The following CABCOCO1 variants were observed in gnomAD, a reference collection of about 807,000 sequenced individuals.
CABCOCO1 encodes the protein ciliary associated calcium binding coiled-coil 1, also known as ciliary-associated calcium-binding coiled-coil protein 1.
A neutral mutation model predicts 35.7 loss-of-function variants in CABCOCO1; 28 were observed. The ratio of observed to expected loss-of-function variants is 0.78; its 90% confidence interval spans 0.58 to 1.07. The LOEUF is 1.07. Among genes scored for constraint, CABCOCO1 ranks in the 50% least tolerant of loss-of-function variants. CABCOCO1 has a pLI of 0.00. For missense variants in CABCOCO1, 326 were observed against 309.2 expected (o/e 1.05, Z -0.41); for synonymous variants, 95 against 100.1 (o/e 0.95, Z 0.30).
chr10:61,665,699 A>G (rs1839148321), intron 1 of CABCOCO1, among the ~76,000 whole-genome samples: 1 of 152,020 alleles, frequency 6.6e-6, no homozygotes, highest in East Asian at 1.9e-4. Flanking sequence ...CATCCTGGCT[A>G]ACACGGTGAA....
At chr10:61,670,736 A>C (rs1053984014) in intron 1 of CABCOCO1, among the ~76,000 whole-genome samples, 16 of 152,088 alleles carry the variant, frequency 1.1e-4, no homozygotes, top group African/African-American at 2.4e-5. Context: ...ATAATTTTTT[A>C]TTTTTGTGTA....
At chr10:61,765,916 G>GT (rs1564560620) in intron 7 of CABCOCO1, 23 bp from the exon 8 acceptor site, 2 of 1,602,414 alleles carry the variant, frequency 1.2e-6, no homozygotes, top group South Asian at 1.1e-5. Context: ...TCATAACCAC[G>GT]TTTTTTATGA....
intron 7 of CABCOCO1, among the ~76,000 whole-genome samples, chr10:61,764,628 C>A (rs1456750882): frequency 1.3e-5 from 2 of 152,032 alleles, no homozygotes; most frequent in Non-Finnish European, 1.5e-5. Context: ...ATGATGATTT[C>A]TTTAGAGTCA....
Position 61,760,154 on chromosome 10 carries a change from C to T in CABCOCO1, c.648C>T (p.Pro216=), listed in dbSNP as rs138612718. The change falls in exon 6 of 8, where the codon CCC becomes CCT. Residue 216 remains proline, a synonymous_variant. Transcript: ENST00000648843. ...SFDIYSTFIE[P]PTILDTEMKR... ...ATATTTATTCAACATTCATAGAGCC[C>T]CCCACAATATTGGATACGGAAATGA... 1 of 1,611,888 alleles carries T rather than the reference C, an allele frequency of 6.2e-7. No individual in the cohort carries two copies. Among genetic ancestry groups the T allele is most frequent in the Non-Finnish European group, 8.5e-7 (1 of 1,178,396 alleles).
At chr10:61,722,372 A>T (rs1841043269) in intron 5 of CABCOCO1, among the ~76,000 whole-genome samples, 1 of 152,172 alleles carries the variant, frequency 6.6e-6, no homozygotes, top group African/African-American at 2.4e-5. Flanking sequence ...AAATTTTTTA[A>T]TTTACTGGAA....
intron 5 of CABCOCO1, among the ~76,000 whole-genome samples, chr10:61,734,394 C>T (rs769458281): frequency 6.6e-6 from 1 of 152,018 alleles, no homozygotes; most frequent in African/African-American, 2.4e-5. Flanking sequence ...TAATTTGCGA[C>T]TGCCAGGGAT....
intron 6 of CABCOCO1, 84 bp from the exon 7 acceptor site, chr10:61,760,779 T>C: frequency 2.1e-6 from 3 of 1,398,508 alleles, no homozygotes; most frequent in South Asian, 2.9e-5. Context: ...ATAAAATATA[T>C]TTAAAACAAG....
intron 4 of CABCOCO1, among the ~76,000 whole-genome samples, chr10:61,689,156 G>A (rs1288602138): frequency 6.6e-6 from 1 of 152,184 alleles, no homozygotes; most frequent in Non-Finnish European, 1.5e-5. Flanking sequence ...GGTTCACTGA[G>A]AGGAAGCCAA....
At chr10:61,680,981 CTGTTTCTT>C (rs1331380913) in intron 2 of CABCOCO1, among the ~76,000 whole-genome samples, 154 bp from the exon 3 acceptor site, 2 of 151,510 alleles carry the variant, frequency 1.3e-5, no homozygotes, top group East Asian at 3.9e-4. Context: ...CTCTCTCTCT[CTGTTTCTT>C]TTTTGAATGT....
chr10:61,666,063 A>G (rs993492909), intron 1 of CABCOCO1, among the ~76,000 whole-genome samples: 66 of 152,200 alleles, frequency 4.3e-4, no homozygotes, highest in Admixed American at 1.4e-3. Flanking sequence ...CAATTACTCA[A>G]TGCATTCACG....
At chr10:61,751,857 C>T (rs2132081331) in intron 5 of CABCOCO1, among the ~76,000 whole-genome samples, 1 of 152,240 alleles carries the variant, frequency 6.6e-6, no homozygotes, top group Middle Eastern at 3.4e-3. Context: ...TCTGACTACA[C>T]ATTTAAGGGG....
chr10:61,668,859 C>T (rs1564528005), intron 1 of CABCOCO1, among the ~76,000 whole-genome samples: 3 of 151,670 alleles, frequency 2.0e-5, no homozygotes, highest in Non-Finnish European at 4.4e-5. Flanking sequence ...TAATGCAATA[C>T]TTTAAAAAAA....
intron 5 of CABCOCO1, among the ~76,000 whole-genome samples, chr10:61,695,895 A>T (rs961045892): frequency 6.6e-6 from 1 of 152,064 alleles, no homozygotes; most frequent in African/African-American, 2.4e-5. Flanking sequence ...AAAAATAAGT[A>T]CATTTATTAC....
chr10:61,753,108 T>C (rs1361601593), intron 5 of CABCOCO1, among the ~76,000 whole-genome samples: 2 of 152,158 alleles, frequency 1.3e-5, no homozygotes, highest in Non-Finnish European at 2.9e-5. Context: ...GAGTATTCTC[T>C]AATATGAGAG....
intron 4 of CABCOCO1, among the ~76,000 whole-genome samples, chr10:61,688,917 A>G (rs2131991535): frequency 6.6e-6 from 1 of 152,336 alleles, no homozygotes; most frequent in Middle Eastern, 3.4e-3. Flanking sequence ...AAAGCTGGAC[A>G]AGGCCCTAGT....
intron 5 of CABCOCO1, among the ~76,000 whole-genome samples, chr10:61,754,528 A>G (rs1841857402): frequency 6.6e-6 from 1 of 152,126 alleles, no homozygotes; most frequent in Non-Finnish European, 1.5e-5. Flanking sequence ...GTACACTTAA[A>G]AAGTCAAAAG....
chr10:61,672,101 G>T (rs983353609), intron 1 of CABCOCO1, among the ~76,000 whole-genome samples: 1 of 152,138 alleles, frequency 6.6e-6, no homozygotes, highest in African/African-American at 2.4e-5. Flanking sequence ...TGGTGTTGCT[G>T]GTTCATTCAC....
At chr10:61,717,454 G>T (rs527827894) in intron 5 of CABCOCO1, among the ~76,000 whole-genome samples, 2 of 149,046 alleles carry the variant, frequency 1.3e-5, no homozygotes, top group African/African-American at 4.9e-5. Flanking sequence ...GAAAAGAAAA[G>T]CCTAATAATG....
At chr10:61,718,680 G>C (rs1011336383) in intron 5 of CABCOCO1, among the ~76,000 whole-genome samples, 4 of 152,108 alleles carry the variant, frequency 2.6e-5, no homozygotes, top group Non-Finnish European at 5.9e-5. Context: ...CTACAAAGTA[G>C]ACAGTTCACT....
Sources: gnomAD v4.1 joint callset for allele counts (sites outside exome capture counted in the v4.1 genomes callset) on GRCh38, gnomAD v4.1.1 for gene constraint, MANE v1.5 for transcripts, NCBI Gene and HGNC (gene_info 2026-07-23, HGNC 2026-07-21) for gene names.